Variants in NHSL1 observed in about 807,000 individuals in gnomAD.
NHSL1 encodes NHS like 1, also known as NHS-like protein 1.
NHSL1 carries 48 observed loss-of-function variants against 95.0 expected under a neutral mutation model. The ratio of observed to expected loss-of-function variants is 0.51; its 90% confidence interval spans 0.40 to 0.64. The LOEUF is 0.64. Ranked by LOEUF, NHSL1 falls within the 30% of genes least tolerant of loss-of-function variation. The pLI is 0.00. For synonymous variants in NHSL1, 783 were observed against 833.9 expected (o/e 0.94, Z 1.05); for missense variants, 1,971 against 2,077.7 (o/e 0.95, Z 1.00).
intron 1 of NHSL1, among the ~76,000 whole-genome samples, chr6:138,509,963 A>C (rs1420902481): frequency 6.6e-6 from 1 of 152,258 alleles, no homozygotes; most frequent in East Asian, 1.9e-4. Flanking sequence ...AAAGGAGTCC[A>C]AAAGTGTTTT....
In NHSL1 at chr6:138,423,973, G is replaced by T; in HGVS notation, c.*108C>A. 8.5e-7 allele frequency: 1 copy of T among 1,177,096 alleles called. No individual in the cohort carries two copies. Among genetic ancestry groups the T allele is most frequent in the Non-Finnish European group, 1.1e-6 (1 of 925,058 alleles). 72.9% of individuals were successfully genotyped at this position (1,177,096 alleles called of 1,614,324 possible). ...CAACCCCGGGGCCCACAGCACAGAAGCAGAGTGGGCTCCCCGGGTGAGCCA... is the reference window on the plus strand; with the variant it reads ...CAACCCCGGGGCCCACAGCACAGAATCAGAGTGGGCTCCCCGGGTGAGCCA... On this transcript the variant is annotated 3_prime_UTR_variant, in exon 8 of 8. Coordinates refer to ENST00000343505, the MANE Select transcript of NHSL1 (RefSeq NM_001144060.2).
intron 5 of NHSL1, among the ~76,000 whole-genome samples, chr6:138,440,853 A>C (rs755188814): frequency 6.6e-6 from 1 of 152,258 alleles, no homozygotes; most frequent in Admixed American, 6.5e-5. Context: ...CAAACTTTAG[A>C]AATAATGACT....
intron 1 of NHSL1, among the ~76,000 whole-genome samples, chr6:138,677,606 T>G (rs1443901213): frequency 6.6e-6 from 1 of 152,132 alleles, no homozygotes; most frequent in Non-Finnish European, 1.5e-5. Context: ...GGCAAAAGCT[T>G]TTTAAAGAAC....
Position 138,652,417 on chromosome 6 carries a change from GCA to G in NHSL1, c.96+40057_96+40058del, listed in dbSNP as rs1487379471. ...ATCGCGCCATTACACTCCAGCCTGG[GCA>G]ACAAGAGTGAAACTCTATCTCAAAA... On this transcript the variant is annotated intron_variant, in intron 1 of 3. Transcript: ENST00000491526. 7.1e-3 allele frequency among the ~76,000 whole-genome samples: 1,051 copies of G among 147,184 alleles called. 9 individuals are homozygous for G. The highest frequency in any genetic ancestry group is 0.023 in the African/African-American group (914 of 39,884).
At chr6:138,536,639 A>G (rs1782364703) in intron 1 of NHSL1, among the ~76,000 whole-genome samples, 1 of 106,254 alleles carries the variant, frequency 9.4e-6, no homozygotes, top group African/African-American at 3.7e-5. Flanking sequence ...TTTCACTTTA[A>G]GCTCTGGGAT....
intron 1 of NHSL1, chr6:138,650,226 A>G: frequency 1.6e-6 from 1 of 628,522 alleles, no homozygotes; most frequent in Non-Finnish European, 3.1e-6. Context: ...AGGTTACTCC[A>G]GGGTGAAAGA....
chr6:138,577,993 A>G (rs1362010799), intron 1 of NHSL1, among the ~76,000 whole-genome samples: 1 of 152,218 alleles, frequency 6.6e-6, no homozygotes, highest in East Asian at 1.9e-4. Flanking sequence ...GAAGTCATGG[A>G]AGGCAAAACG....
chr6:138,440,031 A>C (rs1190260442), intron 5 of NHSL1, among the ~76,000 whole-genome samples: 1 of 152,160 alleles, frequency 6.6e-6, no homozygotes, highest in East Asian at 1.9e-4. Flanking sequence ...TCTAGACATC[A>C]TATTACATAT....
intron 1 of NHSL1, among the ~76,000 whole-genome samples, chr6:138,621,217 C>T (rs1353198008): frequency 6.6e-6 from 1 of 152,172 alleles, no homozygotes; most frequent in Non-Finnish European, 1.5e-5. Flanking sequence ...GTATGCAAGT[C>T]AAACATATGA....
At chr6:138,545,796 A>G, upstream of NHSL1, 2 of 1,196,236 alleles carry the variant, frequency 1.7e-6, no homozygotes, top group Non-Finnish European at 2.1e-6. Context: ...CCCAATCCCC[A>G]GCCTGCTGGG....
intron 1 of NHSL1, among the ~76,000 whole-genome samples, chr6:138,511,544 C>T (rs1046413980): frequency 2.6e-5 from 4 of 152,102 alleles, no homozygotes; most frequent in African/African-American, 7.2e-5. Flanking sequence ...ACCACAGCCT[C>T]CCAAAGTGCT....
intron 2 of NHSL1, among the ~76,000 whole-genome samples, chr6:138,495,255 A>C (rs528064766): frequency 1.5e-4 from 23 of 152,310 alleles, no homozygotes; most frequent in Admixed American, 1.4e-3. Flanking sequence ...TAAGAAAAAC[A>C]AACCACAATG....
At chr6:138,446,130 C>T (rs935820826) in intron 4 of NHSL1, among the ~76,000 whole-genome samples, 3 of 151,786 alleles carry the variant, frequency 2.0e-5, no homozygotes, top group South Asian at 2.1e-4. Flanking sequence ...CTCTGCCTCC[C>T]GGGTTGAAGC....
rs183577232 is a variant in NHSL1 at position 138,566,351 on chromosome 6, T to C, written c.202+5359A>G. ...AGGCAGAAGCTGCAGTGAGCCAAGATTGTGCCACTGCACTCCAGCCTGGGC... is the reference window on the plus strand; with the variant it reads ...AGGCAGAAGCTGCAGTGAGCCAAGACTGTGCCACTGCACTCCAGCCTGGGC... On this transcript the variant is annotated intron_variant, in intron 1 of 6. Transcript: ENST00000427025. Among the ~76,000 whole-genome samples the C allele has an allele frequency of 1.9e-3, 282 of 152,200 alleles. 1 individual carries two copies. Among genetic ancestry groups the C allele is most frequent in the African/African-American group, 6.4e-3 (267 of 41,530 alleles).
chr6:138,426,471 T>C (rs1372937623), intron 7 of NHSL1, among the ~76,000 whole-genome samples: 5 of 152,188 alleles, frequency 3.3e-5, no homozygotes, highest in Admixed American at 6.5e-5. Context: ...CTGTGTATTT[T>C]TCCTATCACC....
upstream of NHSL1, among the ~76,000 whole-genome samples, chr6:138,500,305 C>T (rs1780605540): frequency 6.6e-6 from 1 of 152,076 alleles, no homozygotes; most frequent in Non-Finnish European, 1.5e-5. Context: ...TTCTTTTGCC[C>T]ATTGGCAATT....
At chr6:138,639,441 A>C (rs1025146889) in intron 1 of NHSL1, among the ~76,000 whole-genome samples, 1 of 152,000 alleles carries the variant, frequency 6.6e-6, no homozygotes, top group Non-Finnish European at 1.5e-5. Flanking sequence ...GATCGAGACC[A>C]TCCTGGCTAG....
chr6:138,669,654 T>C lies in NHSL1; in HGVS notation c.96+22822A>G, dbSNP rs559776086. ...TCTGGTCTGAGAATACAAAGCACAG[T>C]TGAGAACCTACCAAACATAGAGGAA... is the stretch of plus-strand genomic sequence containing the variant. On this transcript the variant is annotated intron_variant, in intron 1 of 3. Transcript: ENST00000491526. Among the ~76,000 whole-genome samples, 4 of 152,278 alleles carry C rather than the reference T, an allele frequency of 2.6e-5. No homozygotes were observed. The East Asian group carries it at 5.8e-4, about 22-fold the overall frequency.
In NHSL1 at chr6:138,424,894, T is replaced by C. The variant is rs959739625; in HGVS notation, c.4086-78A>G. The C allele has an allele frequency of 4.2e-6, 5 of 1,188,482 alleles. No homozygotes were observed. The highest frequency in any genetic ancestry group is 3.5e-6 in the Non-Finnish European group (3 of 857,036). 73.6% of individuals were successfully genotyped at this position (1,188,482 alleles called of 1,614,324 possible). ...GTCAGCCACAACCACTCTGCTCTTA[T>C]CGCATCTTCAGGTCACCATCTACTT... On this transcript the variant is annotated intron_variant, in intron 7 of 7. Transcript: ENST00000343505. The surrounding 1 kb of genome is among the most constrained non-coding windows in gnomAD (Gnocchi z 5.9).
Sources: allele counts gnomAD v4.1 joint callset (sites outside exome capture counted in the v4.1 genomes callset), GRCh38; gene constraint gnomAD v4.1.1; non-coding constraint Gnocchi (gnomAD v3.1); transcripts MANE v1.5; gene names NCBI Gene and HGNC (gene_info 2026-07-23, HGNC 2026-07-21).